The following PDE3A variants were observed in gnomAD, a reference collection of about 807,000 sequenced individuals.
PDE3A encodes the protein cGMP-inhibited 3',5'-cyclic phosphodiesterase 3A.
Under a neutral mutation model 98.3 loss-of-function variants are expected in PDE3A, and 43 were observed. That is an observed-to-expected ratio of 0.44 (90% CI 0.34 to 0.56). PDE3A has a LOEUF of 0.56. PDE3A is among the 20% of genes least tolerant of loss of function. The probability of loss-of-function intolerance (pLI) is 0.01; values close to 1 mark genes in which losing one functional copy is unlikely to be tolerated. For synonymous variants in PDE3A, 663 were observed against 567.9 expected (o/e 1.17, Z -2.38); for missense variants, 1,427 against 1,440.7 (o/e 0.99, Z 0.15).
Position 20,369,250 on chromosome 12 carries a change from C to T in PDE3A, c.-35C>T, listed in dbSNP as rs989319294. The T allele has an allele frequency of 2.1e-6, 3 of 1,440,048 alleles. No homozygotes were observed. The highest frequency in any genetic ancestry group is 1.4e-5 in the African/African-American group (1 of 69,958). 89.2% of individuals were successfully genotyped at this position (1,440,048 alleles called of 1,614,324 possible). ...GGGTCGGGGCGGGGGCGTCGGGGGG[C>T]CACTGGGAATTCAGTGAAGAGGGCA... On this transcript the variant is annotated 5_prime_UTR_variant, in exon 1 of 16. Transcript: ENST00000359062.
Position 20,369,900 on chromosome 12 carries a change from C to T in PDE3A, c.616C>T (p.Leu206=). ...CTTGGCCGCCGCGACATGGCTGGTG[C>T]TGAGGCTGAGGCTGGGCGTCCTCAT... The part of the protein sequence containing the change: ...SCLAAATWLV[L]RLRLGVLMIA... The change falls in exon 1 of 16, where the codon CTG becomes TTG. Residue 206 remains leucine, a synonymous_variant. Coordinates refer to ENST00000359062, the MANE Select transcript of PDE3A (RefSeq NM_000921.5). The T allele has an allele frequency of 6.2e-7, 1 of 1,613,298 alleles. No homozygotes were observed. Among genetic ancestry groups the T allele is most frequent in the Non-Finnish European group, 8.5e-7 (1 of 1,179,922 alleles).
At chr12:20,370,310 G>A in intron 1 of PDE3A, 66 bp downstream of exon 1, 1 of 1,404,806 alleles carries the variant, frequency 7.1e-7, no homozygotes, top group Non-Finnish European at 9.4e-7. Context: ...GGCGCAGAGT[G>A]GAGAGAATCC....
chr12:20,569,844 T>C (rs151303297), intron 2 of PDE3A, among the ~76,000 whole-genome samples: 1 of 152,316 alleles, frequency 6.6e-6, no homozygotes, highest in Non-Finnish European at 1.5e-5. Flanking sequence ...CAATATCATA[T>C]GGCTTTTCTA....
chr12:20,631,527 G>A (rs950957943), intron 6 of PDE3A, among the ~76,000 whole-genome samples: 1 of 152,084 alleles, frequency 6.6e-6, no homozygotes, highest in Non-Finnish European at 1.5e-5. Flanking sequence ...TATGCACCCT[G>A]AGCCAAGATG....
intron 1 of PDE3A, among the ~76,000 whole-genome samples, chr12:20,463,471 C>A (rs1171984830): frequency 6.6e-6 from 1 of 152,010 alleles, no homozygotes; most frequent in Non-Finnish European, 1.5e-5. Flanking sequence ...TTATTTATTG[C>A]TCAAATCTTA....
intron 12 of PDE3A, 47 bp from the exon 13 acceptor site, chr12:20,648,641 G>T (rs1461896916): frequency 1.7e-6 from 2 of 1,190,436 alleles, no homozygotes; most frequent in Admixed American, 1.7e-5. Context: ...TGATTTTTGT[G>T]ATTATTTTCT....
chr12:20,486,972 TAG>T (rs1945737492), intron 1 of PDE3A, among the ~76,000 whole-genome samples: 1 of 152,218 alleles, frequency 6.6e-6, no homozygotes, highest in African/African-American at 2.4e-5. Context: ...GTTTGAGAGT[TAG>T]AGATACGTGT....
intron 1 of PDE3A, among the ~76,000 whole-genome samples, chr12:20,434,452 G>C (rs1004016018): frequency 6.6e-5 from 10 of 152,142 alleles, no homozygotes; most frequent in African/African-American, 2.4e-4. Flanking sequence ...AGAATTAAAT[G>C]TTTTTAGAGA....
chr12:20,397,332 TATC>T (rs1944037259), intron 1 of PDE3A, among the ~76,000 whole-genome samples: 2 of 152,054 alleles, frequency 1.3e-5, no homozygotes, highest in East Asian at 1.9e-4. Flanking sequence ...CTAGACATGG[TATC>T]ATGTGTTTAT....
intron 1 of PDE3A, among the ~76,000 whole-genome samples, chr12:20,498,970 A>G (rs1945974021): frequency 1.3e-5 from 2 of 152,106 alleles, no homozygotes; most frequent in East Asian, 1.9e-4. Flanking sequence ...AGGACCAATG[A>G]TCATCTGTAT....
At chr12:20,581,313 G>A (rs1445964588) in intron 2 of PDE3A, among the ~76,000 whole-genome samples, 1 of 152,106 alleles carries the variant, frequency 6.6e-6, no homozygotes, top group Non-Finnish European at 1.5e-5. Flanking sequence ...CAAAATAATA[G>A]ATTTTGGTTT....
chr12:20,554,294 G>A (rs1005038574), intron 1 of PDE3A, among the ~76,000 whole-genome samples: 18 of 149,572 alleles, frequency 1.2e-4, no homozygotes, highest in Non-Finnish European at 2.1e-4. Flanking sequence ...ATTTTGTGTA[G>A]GCTTTTTCTA....
chr12:20,508,876 A>G lies in PDE3A; in HGVS notation c.961-47784A>G, dbSNP rs144454176. Among the ~76,000 whole-genome samples, 75 of 150,972 alleles carry G rather than the reference A, an allele frequency of 5.0e-4. No individual in the cohort carries two copies. The East Asian group carries it at 0.013, about 27-fold the overall frequency. On this transcript the variant is annotated intron_variant, in intron 1 of 15. Coordinates refer to ENST00000359062, the MANE Select transcript of PDE3A (RefSeq NM_000921.5). ...TTCTTCAGTACTTTTTTTTTTAAGC[A>G]TTAAAAATCCATACATATGATTACT...
At chr12:20,386,049 T>TATAAATATATATAAAATATATA (rs1249961883) in intron 1 of PDE3A, among the ~76,000 whole-genome samples, 3 of 49,288 alleles carry the variant, frequency 6.1e-5, no homozygotes, top group Non-Finnish European at 1.1e-4. Context: ...AAAATATATA[T>TATAAATATATATAAAATATATA]AAATATATAT....
At chr12:20,411,705 G>A (rs1944335805) in intron 1 of PDE3A, among the ~76,000 whole-genome samples, 1 of 151,958 alleles carries the variant, frequency 6.6e-6, no homozygotes, top group African/African-American at 2.4e-5. Context: ...TTGACAATAG[G>A]ACTATCATGA....
At chr12:20,556,039 T>A (rs1162110893) in intron 1 of PDE3A, among the ~76,000 whole-genome samples, 1 of 152,076 alleles carries the variant, frequency 6.6e-6, no homozygotes, top group Non-Finnish European at 1.5e-5. Context: ...CTTAATATTC[T>A]TAATGTTAAA....
chr12:20,631,706 T>G lies in PDE3A; in HGVS notation c.1760+1579T>G, dbSNP rs986551749. 4.0e-5 allele frequency among the ~76,000 whole-genome samples: 6 copies of G among 151,396 alleles called. No individual in the cohort carries two copies. In the East Asian group the frequency reaches 1.2e-3, roughly 29 times the overall value. The stretch of plus-strand genomic sequence containing the variant: ...GCTTTTTTCATCATAGTGTATTTTT[T>G]TTTTTTTTTTGTATTCTTAGCAGGA... On this transcript the variant is annotated intron_variant, in intron 6 of 15. Coordinates refer to ENST00000359062, the MANE Select transcript of PDE3A (RefSeq NM_000921.5).
intron 1 of PDE3A, among the ~76,000 whole-genome samples, chr12:20,372,874 T>A (rs1205340188): frequency 2.0e-5 from 3 of 152,126 alleles, no homozygotes; most frequent in Non-Finnish European, 4.4e-5. Context: ...TTGTGAGGCT[T>A]ACCAGTGAGA....
At chr12:20,484,915 G>A (rs905143950) in intron 1 of PDE3A, among the ~76,000 whole-genome samples, 1 of 152,038 alleles carries the variant, frequency 6.6e-6, no homozygotes, top group Admixed American at 6.6e-5. Context: ...TTGATGGGTG[G>A]TGAATTTGGA....
Sources: allele counts gnomAD v4.1 joint callset (sites outside exome capture counted in the v4.1 genomes callset), GRCh38; gene constraint gnomAD v4.1.1; transcripts MANE v1.5; gene names NCBI Gene and HGNC (gene_info 2026-07-23, HGNC 2026-07-21).